The following ABCB9 variants were observed in gnomAD, a reference collection of about 807,000 sequenced individuals.
ABCB9 encodes the protein ABC-type oligopeptide transporter ABCB9.
In ABCB9, 36 loss-of-function variants were observed where a neutral mutation model predicts 62.0. That is an observed-to-expected ratio of 0.58 (90% confidence interval 0.45 to 0.77). ABCB9 has a LOEUF of 0.77. Among genes scored for constraint, ABCB9 ranks in the 30% least tolerant of loss-of-function variants. ABCB9 has a pLI of 0.00. For synonymous variants in ABCB9, 435 were observed against 461.4 expected (o/e 0.94, Z 0.73); for missense variants, 943 against 1,054.7 (o/e 0.89, Z 1.47).
At chr12:122,934,987 T>C (rs764254920) in intron 10 of ABCB9, among the ~76,000 whole-genome samples, 17 of 152,266 alleles carry the variant, frequency 1.1e-4, no homozygotes, top group South Asian at 6.2e-4. Flanking sequence ...CTTCCTCTTT[T>C]TCCCAGCAGC....
chr12:122,970,165 C>T (rs1250176945), upstream of ABCB9, among the ~76,000 whole-genome samples: 3 of 152,172 alleles, frequency 2.0e-5, no homozygotes, highest in African/African-American at 7.2e-5. Context: ...CTGCAACCTC[C>T]GCCTCCCGGG....
intron 9 of ABCB9, among the ~76,000 whole-genome samples, chr12:122,936,870 C>A (rs1378280747): frequency 4.0e-5 from 6 of 150,766 alleles, no homozygotes; most frequent in Non-Finnish European, 7.4e-5. Context: ...TGCCATTGTA[C>A]TCCAGCCTGG....
At chr12:122,953,806 G>A (rs1352879356) in intron 2 of ABCB9, among the ~76,000 whole-genome samples, 1 of 152,122 alleles carries the variant, frequency 6.6e-6, no homozygotes, top group Non-Finnish European at 1.5e-5. Flanking sequence ...ACAGGTGTGA[G>A]CCACCACACC....
chr12:122,950,425 C>A (rs765150975), intron 3 of ABCB9, 26 bp downstream of exon 3: 1 of 1,590,692 alleles, frequency 6.3e-7, no homozygotes, highest in Admixed American at 1.7e-5. Flanking sequence ...GTGTGCGGGG[C>A]AGGGCGTGGG....
At chr12:122,927,238 C>T (rs2034931168), downstream of ABCB9, among the ~76,000 whole-genome samples, 3 of 151,910 alleles carry the variant, frequency 2.0e-5, no homozygotes, top group Non-Finnish European at 2.9e-5. Context: ...GTGACGTGAT[C>T]TCGGCTCACT....
Position 122,946,199 on chromosome 12 carries a change from A to G in ABCB9, c.1077T>C (p.Asn359=), listed in dbSNP as rs371989621. 3.8e-5 allele frequency: 61 copies of G among 1,614,130 alleles called. No individual in the cohort carries two copies. The Middle Eastern group carries it at 4.9e-4, about 13-fold the overall frequency. ...CCGTGTTGCTCGCTCTGGCCAGGGCATTCTGGACCTCTTTGGAGAGCCTCT... is the reference window on the plus strand; with the variant it reads ...CCGTGTTGCTCGCTCTGGCCAGGGCGTTCTGGACCTCTTTGGAGAGCCTCT... ...YYKRLSKEVQ[N]ALARASNTAE... is the part of the protein sequence containing the mutation. Residue 359 remains asparagine (N), a synonymous_variant, in exon 6 of 12, where the codon AAT becomes AAC. Transcript: ENST00000280560.
At position 122,959,767 on chromosome 12, in the gene ABCB9, C is replaced by T. The variant is rs1382890760; in HGVS notation, c.469G>A (p.Gly157Ser). 1.2e-6 allele frequency: 2 copies of T among 1,612,012 alleles called. No individual in the cohort carries two copies. Among genetic ancestry groups the T allele is most frequent in the African/African-American group, 1.3e-5 (1 of 74,906 alleles). Residue 157 changes from glycine to serine, a missense_variant, in exon 2 of 12, where the codon GGC becomes AGC. Gly to Ser is a moderately conservative substitution (Grantham distance 56). Coordinates refer to ENST00000280560, the MANE Select transcript of ABCB9 (RefSeq NM_019625.4). This position sits in a 1 kb window ranked among gnomAD's most constrained non-coding sequence, Gnocchi z 5.4. ...GGTGGCCGGCCGCTCCCAGGGAAGCCCTCAGCCTCGGTGGCCGCCCCTGGC... is the reference window on the plus strand; with the variant it reads ...GGTGGCCGGCCGCTCCCAGGGAAGCTCTCAGCCTCGGTGGCCGCCCCTGGC... Reference protein sequence around the residue: ...LEPGAATEAEGFPGSGRPPPE... With the variant: ...LEPGAATEAESFPGSGRPPPE...
rs1023837402 is a variant in ABCB9 at position 122,930,072 on chromosome 12, C to G, written c.2140G>C (p.Asp714His). 6.4e-7 allele frequency: 1 copy of G among 1,566,254 alleles called. No homozygotes were observed. Among genetic ancestry groups the G allele is most frequent in the African/African-American group, 1.4e-5 (1 of 73,946 alleles). The change falls in exon 12 of 12, where the codon GAC becomes CAC. Residue 714 changes from aspartate (D) to histidine (H), a missense_variant. By Grantham distance (81) the Asp-to-His change is moderately conservative (BLOSUM62 -1). Transcript: ENST00000280560. The surrounding 1 kb of genome is among the most constrained non-coding windows in gnomAD (Gnocchi z 4.9). Reference sequence around the variant, plus strand: ...CCCTGCTGCACTACGCGGCCCTTGTCCAGCACCACAATGAGGTGCGCGTGC... The same window carrying G: ...CCCTGCTGCACTACGCGGCCCTTGTGCAGCACCACAATGAGGTGCGCGTGC... ...VEHAHLIVVL[D>H]KGRVVQQGTH...
intron 9 of ABCB9, chr12:122,939,413 G>A (rs1042444326): frequency 2.0e-5 from 3 of 152,414 alleles, no homozygotes; most frequent in Admixed American, 6.5e-5. Context: ...TGCACACAGA[G>A]ATGGCAGAAC....
At position 122,947,334 on chromosome 12, in the gene ABCB9, G is replaced by C. The variant is rs73408862; in HGVS notation, c.1054-1112C>G. The C allele has an allele frequency of 3.9e-6, 1 of 256,530 alleles. No individual in the cohort carries two copies. Among genetic ancestry groups the C allele is most frequent in the Non-Finnish European group, 8.6e-6 (1 of 116,652 alleles). 15.9% of individuals were successfully genotyped at this position (256,530 alleles called of 1,614,324 possible). ...GGGGAGGCTCGTGACCAGGAACTTC[G>C]GGAAGAGGTCCTACCTGTGTGGCTG... On this transcript the variant is annotated intron_variant, in intron 5 of 11. Coordinates refer to ENST00000280560, the MANE Select transcript of ABCB9 (RefSeq NM_019625.4). This position sits in a 1 kb window ranked among gnomAD's most constrained non-coding sequence, Gnocchi z 6.0.
In ABCB9 at chr12:122,950,504, G is replaced by A. The variant is rs1477932493; in HGVS notation, c.663C>T (p.Ser221=). 1 of 1,613,288 alleles carries A rather than the reference G, an allele frequency of 6.2e-7. No individual in the cohort carries two copies. Among genetic ancestry groups the A allele is most frequent in the Non-Finnish European group, 8.5e-7 (1 of 1,179,998 alleles). ...RAIDGIVIQK[S]MDQFSTAVVI... ...CGACAGCCGTGCTGAACTGATCCAT[G>A]CTTTTCTGGATGACGATGCCATCAA... Residue 221 remains serine (S), a synonymous_variant, in exon 3 of 12, where the codon AGC becomes AGT. Coordinates refer to ENST00000280560, the MANE Select transcript of ABCB9 (RefSeq NM_019625.4).
At chr12:122,967,098 C>T (rs943236962), upstream of ABCB9, among the ~76,000 whole-genome samples, 4 of 152,262 alleles carry the variant, frequency 2.6e-5, no homozygotes, top group South Asian at 2.1e-4. Flanking sequence ...ATCAGGGATT[C>T]GGGGCATTGG....
chr12:122,959,541 G>C lies in ABCB9; in HGVS notation c.601+94C>G, dbSNP rs117799402. On this transcript the variant is annotated intron_variant, in intron 2 of 11. Coordinates refer to ENST00000280560, the MANE Select transcript of ABCB9 (RefSeq NM_019625.4). The surrounding 1 kb of genome is among the most constrained non-coding windows in gnomAD (Gnocchi z 5.4). ...TCCTTTTCATATCAATTTGATGTCTGAACCACGTAAGTAAAATCTTTTAAA... is the reference window on the plus strand; with the variant it reads ...TCCTTTTCATATCAATTTGATGTCTCAACCACGTAAGTAAAATCTTTTAAA... The C allele has an allele frequency of 8.0e-4, 1,206 of 1,499,930 alleles. 20 individuals carry two copies. The East Asian group carries it at 0.02, about 25-fold the overall frequency. 92.9% of individuals were successfully genotyped at this position (1,499,930 alleles called of 1,614,324 possible).
chr12:122,950,459 G>A lies in ABCB9; in HGVS notation c.708C>T (p.Ala236=). Reference sequence around the variant, plus strand: ...GGGGTTGAGCCAGCTACCTGCCAATGGCCAGCAGGCACACGATGACGACAG... The same window carrying A: ...GGGGTTGAGCCAGCTACCTGCCAATAGCCAGCAGGCACACGATGACGACAG... The part of the protein sequence containing the change: ...STAVVIVCLL[A]IGSSFAAGIR... The change falls in exon 3 of 12, where the codon GCC becomes GCT. Residue 236 remains alanine, a synonymous_variant. Coordinates refer to ENST00000280560, the MANE Select transcript of ABCB9 (RefSeq NM_019625.4). The A allele has an allele frequency of 6.2e-7, 1 of 1,611,088 alleles. No individual in the cohort carries two copies. The highest frequency in any genetic ancestry group is 1.1e-5 in the South Asian group (1 of 90,978).
chr12:122,924,835 T>C (rs2034847127), downstream of ABCB9: 1 of 1,534,180 alleles, frequency 6.5e-7, no homozygotes, highest in African/African-American at 1.4e-5. Flanking sequence ...AGGAGGACAG[T>C]GACATTTGCT....
upstream of ABCB9, among the ~76,000 whole-genome samples, chr12:122,968,511 C>T (rs1006982013): frequency 2.6e-5 from 4 of 152,166 alleles, no homozygotes; most frequent in Admixed American, 2.0e-4. Context: ...CAAAAATCAA[C>T]AGGAGCTGTC....
At chr12:122,949,958 C>T in intron 3 of ABCB9, 40 bp from the exon 4 acceptor site, 1 of 1,612,272 alleles carries the variant, frequency 6.2e-7, no homozygotes. Context: ...GATGTCCTTC[C>T]AGACCAGTGA....
At chr12:122,973,585 A>G (rs1161499099) in intron 1 of ABCB9, among the ~76,000 whole-genome samples, 19 of 138,836 alleles carry the variant, frequency 1.4e-4, no homozygotes, top group South Asian at 2.3e-4. Flanking sequence ...AAAGAAAAAA[A>G]AAAAAAAAAA....
rs1406625861 is a variant in ABCB9, at chr12:122,944,551, G to C, written c.1252-32C>G. 1 of 1,610,102 alleles carries C rather than the reference G, an allele frequency of 6.2e-7. No individual in the cohort carries two copies. The highest frequency in any genetic ancestry group is 1.3e-5 in the African/African-American group (1 of 75,000). On this transcript the variant is annotated intron_variant, in intron 6 of 11. Transcript: ENST00000280560. The surrounding 1 kb of genome is among the most constrained non-coding windows in gnomAD (Gnocchi z 4.9). ...CAGAGGGAGAGGGGATGTGGGTCGA[G>C]GGGACCTTAGATCCCCCACCATCCC...
Sources: allele counts gnomAD v4.1 joint callset (sites outside exome capture counted in the v4.1 genomes callset), GRCh38; gene constraint gnomAD v4.1.1; non-coding constraint Gnocchi (gnomAD v3.1); transcripts MANE v1.5; gene names NCBI Gene and HGNC (gene_info 2026-07-23, HGNC 2026-07-21).